Variants in RIC8B observed in about 807,000 individuals in gnomAD.
RIC8B encodes chaperone Ric-8B.
A neutral mutation model predicts 57.5 loss-of-function variants in RIC8B; 16 were observed. The observed-to-expected ratio is 0.28, with a 90% CI of 0.19 to 0.42. The LOEUF (loss-of-function observed/expected upper bound fraction) is 0.42. Among genes scored for constraint, RIC8B ranks in the 10% least tolerant of loss-of-function variants. The pLI is 1.00. For missense variants in RIC8B, 481 were observed against 677.0 expected (o/e 0.71, Z 3.21); for synonymous variants, 216 against 250.8 (o/e 0.86, Z 1.31).
chr12:106,812,727 A>G (rs1021020016), intron 2 of RIC8B, among the ~76,000 whole-genome samples: 46 of 152,160 alleles, frequency 3.0e-4, no homozygotes, highest in African/African-American at 1.1e-3. Context: ...CTAAATATGG[A>G]GAAAATTTTC....
intron 3 of RIC8B, chr12:106,822,647 A>G (rs1321055830): frequency 6.6e-6 from 1 of 152,404 alleles, no homozygotes; most frequent in Non-Finnish European, 1.5e-5. Context: ...GTGTAATACA[A>G]TATTACATAC....
intron 9 of RIC8B, among the ~76,000 whole-genome samples, chr12:106,876,747 T>C (rs959665517): frequency 1.3e-5 from 2 of 152,120 alleles, no homozygotes; most frequent in African/African-American, 2.4e-5. Context: ...TTTTGACTAG[T>C]AGAGGAACAT....
At position 106,829,805 on chromosome 12, in the gene RIC8B, C is replaced by T. The variant is rs934600800; in HGVS notation, c.836+3985C>T. On this transcript the variant is annotated intron_variant, in intron 4 of 9. Coordinates refer to ENST00000392837, the MANE Select transcript of RIC8B (RefSeq NM_001330145.2). ...GAGGTGTTTTTCAAAAAGCAAATGC[C>T]TGCTTTAAATCTTGTCATGGCTCCT... Among the ~76,000 whole-genome samples, 3 of 152,150 alleles carry T rather than the reference C, an allele frequency of 2.0e-5. No homozygotes were observed. The East Asian group carries it at 5.8e-4, about 29-fold the overall frequency.
intron 2 of RIC8B, among the ~76,000 whole-genome samples, chr12:106,785,055 A>T (rs894116093): frequency 2.6e-5 from 4 of 152,224 alleles, no homozygotes; most frequent in African/African-American, 7.2e-5. Context: ...CCTTAGCCTT[A>T]AAACCCTTCA....
At chr12:106,820,628 A>G (rs1315032530) in intron 3 of RIC8B, among the ~76,000 whole-genome samples, 1 of 152,204 alleles carries the variant, frequency 6.6e-6, no homozygotes, top group Non-Finnish European at 1.5e-5. Flanking sequence ...AGTACAGACC[A>G]GCAGACATGT....
Position 106,870,914 on chromosome 12 carries a change from C to A in RIC8B, c.1543C>A (p.Leu515Ile). 2 of 1,549,514 alleles carry A rather than the reference C, an allele frequency of 1.3e-6. No individual in the cohort carries two copies. Among genetic ancestry groups the A allele is most frequent in the Non-Finnish European group, 1.7e-6 (2 of 1,145,514 alleles). ...ACAAAAAGAATATGAAGCCATGAAACTTGTCAACATGCTTGATAAACTTTC... is the reference window on the plus strand; with the variant it reads ...ACAAAAAGAATATGAAGCCATGAAAATTGTCAACATGCTTGATAAACTTTC... ...EEQKEYEAMK[L>I]VNMLDKLSRE... Residue 515 changes from leucine (L) to isoleucine (I), a missense_variant, in exon 9 of 10, where the codon CTT (leucine) becomes ATT (isoleucine). Around this residue, in one of 3 missense-constraint regions of RIC8B, gnomAD observed 43 missense variants for 99.8 expected, o/e 0.43. Transcript: ENST00000392837.
chr12:106,821,226 A>G (rs1199262587), intron 3 of RIC8B, among the ~76,000 whole-genome samples: 2 of 152,230 alleles, frequency 1.3e-5, no homozygotes, highest in African/African-American at 4.8e-5. Flanking sequence ...AATAACCAAC[A>G]GTAGAAAATA....
intron 2 of RIC8B, among the ~76,000 whole-genome samples, chr12:106,803,214 T>TAAAAA (rs758690591): frequency 0.029 from 2,478 of 84,004 alleles, 223 homozygotes; most frequent in African/African-American, 0.12. Flanking sequence ...ATACCCTGTC[T>TAAAAA]CAAAAAAAAA....
intron 6 of RIC8B, among the ~76,000 whole-genome samples, 185 bp downstream of exon 6, chr12:106,844,132 A>T (rs1456213948): frequency 6.6e-6 from 1 of 152,218 alleles, no homozygotes; most frequent in Non-Finnish European, 1.5e-5. Flanking sequence ...AATGCTACCG[A>T]GATCTGCTGT....
chr12:106,884,603 C>G (rs964381700), intron 9 of RIC8B, among the ~76,000 whole-genome samples: 7 of 152,144 alleles, frequency 4.6e-5, no homozygotes, highest in African/African-American at 1.7e-4. Context: ...ACATTTCCTC[C>G]CTCATAGTAT....
At chr12:106,783,306 C>T (rs2043849640) in intron 1 of RIC8B, among the ~76,000 whole-genome samples, 1 of 152,138 alleles carries the variant, frequency 6.6e-6, no homozygotes, top group Admixed American at 6.5e-5. Context: ...TAGGTACACC[C>T]TGTTTTCAGA....
At chr12:106,781,134 T>A (rs1025525458) in intron 1 of RIC8B, among the ~76,000 whole-genome samples, 15 of 152,248 alleles carry the variant, frequency 9.9e-5, no homozygotes, top group African/African-American at 3.4e-4. Flanking sequence ...TCTTTTTTTT[T>A]AAATGGGGTT....
chr12:106,870,643 A>G (rs1950362885), intron 8 of RIC8B, among the ~76,000 whole-genome samples, 180 bp from the exon 9 acceptor site: 1 of 152,160 alleles, frequency 6.6e-6, no homozygotes, highest in South Asian at 2.1e-4. Flanking sequence ...TCCCAAAGCA[A>G]ATTAGTGGAA....
At chr12:106,775,023 C>CT in intron 1 of RIC8B, 194 bp downstream of exon 1, 1 of 573,778 alleles carries the variant, frequency 1.7e-6, no homozygotes, top group Non-Finnish European at 3.2e-6. Context: ...ACTACCCCCA[C>CT]TGTAGCGCCC....
At position 106,843,926 on chromosome 12, in the gene RIC8B, C is replaced by T; in HGVS notation, c.1140C>T (p.Ile380=). 1.2e-6 allele frequency: 2 copies of T among 1,613,636 alleles called. No homozygotes were observed. The highest frequency in any genetic ancestry group is 2.7e-5 in the African/African-American group (2 of 74,962). Residue 380 remains isoleucine, a synonymous_variant, in exon 6 of 10, where the codon ATC becomes ATT. Coordinates refer to ENST00000392837, the MANE Select transcript of RIC8B (RefSeq NM_001330145.2). ...LTECSRAHRN[I]RKFLKDQVLP... ...AATGTTCCCGAGCCCATCGAAACAT[C>T]CGAAAATTTCTCAAAGATCAGGTAA... is the stretch of plus-strand genomic sequence containing the variant.
chr12:106,796,273 C>A (rs544363819), intron 2 of RIC8B, among the ~76,000 whole-genome samples: 2 of 152,108 alleles, frequency 1.3e-5, no homozygotes, highest in Non-Finnish European at 2.9e-5. Context: ...AGCGGTGGCT[C>A]ACACCTATAA....
intron 8 of RIC8B, chr12:106,868,250 A>G (rs151314546): frequency 2.5e-4 from 115 of 455,924 alleles, no homozygotes; most frequent in African/African-American, 2.0e-3. Context: ...CATGTGTGCA[A>G]ATGTCATTAT....
intron 2 of RIC8B, 125 bp downstream of exon 2, chr12:106,784,169 T>G (rs1033169687): frequency 3.3e-6 from 3 of 914,880 alleles, no homozygotes; most frequent in East Asian, 5.1e-5. Context: ...TTCATTTTGT[T>G]TTTTAGGAAC....
intron 1 of RIC8B, among the ~76,000 whole-genome samples, chr12:106,780,709 A>G (rs1420306297): frequency 6.6e-6 from 1 of 152,262 alleles, no homozygotes; most frequent in African/African-American, 2.4e-5. Flanking sequence ...ATGAAACAGC[A>G]CAACATACAC....
Sources: allele counts gnomAD v4.1 joint callset (sites outside exome capture counted in the v4.1 genomes callset), GRCh38; gene constraint gnomAD v4.1.1; regional missense constraint gnomAD v4.1.1; transcripts MANE v1.5; gene names NCBI Gene and HGNC (gene_info 2026-07-23, HGNC 2026-07-21).